PDE5A: variants seen among roughly 807,000 people sequenced by gnomAD.
PDE5A encodes phosphodiesterase 5A.
A neutral mutation model predicts 110.2 loss-of-function variants in PDE5A; 67 were observed. The observed-to-expected ratio is 0.61, with a 90% CI of 0.50 to 0.75. The LOEUF is 0.75. Among genes scored for constraint, PDE5A ranks in the 30% least tolerant of loss-of-function variants. The pLI, the probability that PDE5A is intolerant of heterozygous loss-of-function variation, is 0.00. For missense variants in PDE5A, 862 were observed against 1,045.1 expected (o/e 0.82, Z 2.42); for synonymous variants, 328 against 351.2 (o/e 0.93, Z 0.74).
intron 14 of PDE5A, chr4:119,512,348 T>C (rs935582092): frequency 2.0e-5 from 3 of 152,180 alleles, no homozygotes; most frequent in Non-Finnish European, 4.4e-5. Flanking sequence ...CTTCCATATT[T>C]AGTGAGTTGG....
At chr4:119,549,662 T>G (rs1236715890) in intron 9 of PDE5A, 3 of 152,164 alleles carry the variant, frequency 2.0e-5, no homozygotes, top group Admixed American at 6.5e-5. Flanking sequence ...AAATGTCTGG[T>G]AAATATAATA....
intron 1 of PDE5A, among the ~76,000 whole-genome samples, chr4:119,621,908 C>T (rs982281467): frequency 7.2e-5 from 11 of 152,168 alleles, no homozygotes; most frequent in Non-Finnish European, 1.0e-4. Flanking sequence ...CGGTGGCTCA[C>T]GCCTGTAATC....
chr4:119,601,476 T>C (rs1729346259), intron 2 of PDE5A, among the ~76,000 whole-genome samples: 1 of 151,706 alleles, frequency 6.6e-6, no homozygotes, highest in African/African-American at 2.4e-5. Context: ...CCTTGTCTTA[T>C]GCATCTCTTC....
intron 7 of PDE5A, among the ~76,000 whole-genome samples, chr4:119,556,997 G>T (rs1727564889): frequency 6.7e-6 from 1 of 149,130 alleles, no homozygotes; most frequent in Non-Finnish European, 1.5e-5. Context: ...TTTAGAATGT[G>T]CCTCAGAGCT....
At chr4:119,623,393 G>GT (rs938299207) in intron 1 of PDE5A, among the ~76,000 whole-genome samples, 47 of 152,244 alleles carry the variant, frequency 3.1e-4, no homozygotes, top group African/African-American at 9.4e-4. Context: ...CTTACTAAAG[G>GT]TTTTTTTATC....
At chr4:119,572,528 T>C (rs1049961141) in intron 3 of PDE5A, among the ~76,000 whole-genome samples, 5 of 152,210 alleles carry the variant, frequency 3.3e-5, no homozygotes, top group African/African-American at 9.6e-5. Context: ...TTGAAACTTA[T>C]AGCCTAAGGC....
At chr4:119,545,034 G>A (rs200112072) in intron 9 of PDE5A, among the ~76,000 whole-genome samples, 1 of 145,764 alleles carries the variant, frequency 6.9e-6, no homozygotes, top group Non-Finnish European at 1.5e-5. Flanking sequence ...AACAACAACA[G>A]CAACAAAAAT....
chr4:119,597,370 C>T (rs371156833), intron 2 of PDE5A, among the ~76,000 whole-genome samples: 3 of 150,630 alleles, frequency 2.0e-5, no homozygotes, highest in Admixed American at 6.6e-5. Context: ...CAAAAGCATG[C>T]GTTAAATCAA....
chr4:119,592,713 T>C (rs949100730), intron 3 of PDE5A, among the ~76,000 whole-genome samples: 1 of 152,094 alleles, frequency 6.6e-6, no homozygotes, highest in Non-Finnish European at 1.5e-5. Context: ...TTGGAGCATT[T>C]TGGATTTTCA....
intron 2 of PDE5A, among the ~76,000 whole-genome samples, chr4:119,601,450 C>A (rs1012414672): frequency 6.6e-6 from 1 of 152,056 alleles, no homozygotes; most frequent in Non-Finnish European, 1.5e-5. Flanking sequence ...CACCCCACCC[C>A]CCGCCACCTC....
intron 19 of PDE5A, 66 bp downstream of exon 19, chr4:119,502,515 A>C (rs1578721076): frequency 1.1e-6 from 1 of 903,986 alleles, no homozygotes; most frequent in East Asian, 2.4e-5. Context: ...TAGAGCCATA[A>C]AAAGGAGTCT....
intron 1 of PDE5A, among the ~76,000 whole-genome samples, chr4:119,614,761 A>T (rs1374783906): frequency 6.6e-6 from 1 of 152,186 alleles, no homozygotes; most frequent in Non-Finnish European, 1.5e-5. Flanking sequence ...CTAATTGACA[A>T]AAATTCTTGG....
intron 2 of PDE5A, among the ~76,000 whole-genome samples, chr4:119,605,033 T>A (rs568747228): frequency 1.6e-3 from 243 of 152,284 alleles, no homozygotes; most frequent in African/African-American, 5.1e-3. Flanking sequence ...CCCCTCTAAT[T>A]CATTTTATGA....
At chr4:119,520,592 G>A (rs1726090710) in intron 13 of PDE5A, among the ~76,000 whole-genome samples, 1 of 152,188 alleles carries the variant, frequency 6.6e-6, no homozygotes, top group East Asian at 1.9e-4. Flanking sequence ...CAGGTTGAAT[G>A]TGAACAAGAG....
chr4:119,560,179 CAA>C (rs958775214), intron 7 of PDE5A, 115 bp downstream of exon 7: 1 of 617,784 alleles, frequency 1.6e-6, no homozygotes, highest in South Asian at 2.3e-5. Flanking sequence ...TGAGAAAAGA[CAA>C]GAGACAATAA....
chr4:119,537,314 C>T (rs1325013897), intron 11 of PDE5A, among the ~76,000 whole-genome samples: 1 of 152,112 alleles, frequency 6.6e-6, no homozygotes, highest in Non-Finnish European at 1.5e-5. Context: ...ATTTCTTCCA[C>T]CATTTACTTT....
chr4:119,552,745 C>A lies in PDE5A; in HGVS notation c.1309-108G>T. The A allele has an allele frequency of 7.4e-6, 4 of 541,336 alleles. No homozygotes were observed. In the South Asian group the frequency reaches 1.2e-4, roughly 16 times the overall value. 33.5% of individuals were successfully genotyped at this position (541,336 alleles called of 1,614,324 possible). On this transcript the variant is annotated intron_variant, in intron 8 of 20. Transcript: ENST00000354960. ...ACATTTGAAAGCACTATATATTCAA[C>A]TTTTATATTAGAGAGCATTGGAAAG...
chr4:119,531,273 A>G (rs1726528541), intron 11 of PDE5A, among the ~76,000 whole-genome samples: 1 of 151,988 alleles, frequency 6.6e-6, no homozygotes, highest in Non-Finnish European at 1.5e-5. Flanking sequence ...ATGAGTGTAT[A>G]ATTTCTTTTT....
intron 3 of PDE5A, among the ~76,000 whole-genome samples, chr4:119,576,517 C>A (rs62319612): frequency 3.3e-5 from 5 of 152,072 alleles, no homozygotes; most frequent in Admixed American, 3.3e-4. Flanking sequence ...CAAACTAGAA[C>A]TCAGGATTAA....
Sources: gnomAD v4.1 joint callset for allele counts (sites outside exome capture counted in the v4.1 genomes callset) on GRCh38, gnomAD v4.1.1 for gene constraint, MANE v1.5 for transcripts, NCBI Gene and HGNC (gene_info 2026-07-23, HGNC 2026-07-21) for gene names.